Variants in NBEA observed in about 807,000 individuals in gnomAD.
NBEA encodes lysosomal-trafficking regulator 2.
In NBEA, 44 loss-of-function variants were observed where a neutral mutation model predicts 343.4. That is an observed-to-expected ratio of 0.13 (90% CI 0.10 to 0.16). NBEA has a LOEUF of 0.16. Among genes scored for constraint, NBEA ranks in the 10% least tolerant of loss-of-function variants. The pLI is 1.00. For synonymous variants in NBEA, 1,175 were observed against 1,238.7 expected (o/e 0.95, Z 1.08); for missense variants, 2,555 against 3,631.3 (o/e 0.70, Z 7.62).
At position 34,980,189 on chromosome 13, in the gene NBEA, G is replaced by GT. The variant is rs201133595; in HGVS notation, c.294+37083dup. Among the ~76,000 whole-genome samples, 969 of 151,200 alleles carry GT rather than the reference G, an allele frequency of 6.4e-3. 11 individuals are homozygous for GT. The highest frequency in any genetic ancestry group is 0.022 in the African/African-American group (919 of 41,304). On this transcript the variant is annotated intron_variant, in intron 1 of 58. Transcript: ENST00000379939. ...CCTAGGATTGCCTTAGAGTCTAGCT[G>GT]TTTTTTTTGTTGTTGTTGTTATTTA...
At chr13:34,954,178 A>G (rs1430833064) in intron 1 of NBEA, among the ~76,000 whole-genome samples, 2 of 152,142 alleles carry the variant, frequency 1.3e-5, no homozygotes, top group Non-Finnish European at 2.9e-5. Flanking sequence ...GAGGGTGTGC[A>G]TAGGTTATGT....
intron 18 of NBEA, among the ~76,000 whole-genome samples, chr13:35,150,711 A>ATTACTACAACTCTACG (rs2068720803): frequency 6.6e-6 from 1 of 152,136 alleles, no homozygotes; most frequent in African/African-American, 2.4e-5. Context: ...GCATCAGAAT[A>ATTACTACAACTCTACG]AATATTACTA....
intron 38 of NBEA, among the ~76,000 whole-genome samples, chr13:35,385,273 A>G (rs2042191567): frequency 6.6e-6 from 1 of 152,178 alleles, no homozygotes; most frequent in African/African-American, 2.4e-5. Flanking sequence ...TTGTTTTAAA[A>G]TTACAGTTTT....
chr13:35,175,479 A>G (rs1205540718), intron 27 of NBEA, among the ~76,000 whole-genome samples: 1 of 152,210 alleles, frequency 6.6e-6, no homozygotes, highest in Non-Finnish European at 1.5e-5. Flanking sequence ...AGTAATTTGT[A>G]GATATACTAA....
intron 48 of NBEA, among the ~76,000 whole-genome samples, chr13:35,614,804 T>G (rs1022229939): frequency 6.6e-6 from 1 of 152,188 alleles, no homozygotes; most frequent in Non-Finnish European, 1.5e-5. Flanking sequence ...TCCTCTTTCC[T>G]CATTCCAAGA....
At chr13:35,337,738 C>A (rs895613341) in intron 36 of NBEA, among the ~76,000 whole-genome samples, 1 of 152,026 alleles carries the variant, frequency 6.6e-6, no homozygotes, top group Non-Finnish European at 1.5e-5. Context: ...AAACAATTCT[C>A]AGTAAGTTTA....
rs559682181 is a variant in NBEA at position 35,358,659 on chromosome 13, A to G, written c.6179+6336A>G. ...CTTGAACCTGGGAGGCAGAGGTTGC[A>G]GTGAGCCGAGATTGTGCCAGTGCAC... On this transcript the variant is annotated intron_variant, in intron 38 of 58. Transcript: ENST00000379939. 2.0e-5 allele frequency among the ~76,000 whole-genome samples: 3 copies of G among 152,190 alleles called. No individual in the cohort carries two copies. The South Asian group carries it at 6.2e-4, about 32-fold the overall frequency.
chr13:35,167,619 A>C (rs1486282493), intron 24 of NBEA, among the ~76,000 whole-genome samples: 1 of 151,834 alleles, frequency 6.6e-6, no homozygotes, highest in African/African-American at 2.4e-5. Flanking sequence ...CAATAGTTTT[A>C]ACTGTACTCA....
intron 10 of NBEA, among the ~76,000 whole-genome samples, chr13:35,094,235 G>A (rs937115807): frequency 6.6e-6 from 1 of 151,966 alleles, no homozygotes; most frequent in Non-Finnish European, 1.5e-5. Flanking sequence ...GACAGTGGTA[G>A]CAATTCAGTT....
chr13:35,029,742 A>G (rs9543028), intron 1 of NBEA, among the ~76,000 whole-genome samples: 46,481 of 151,486 alleles, frequency 0.31, 8,001 homozygotes, highest in Middle Eastern at 0.52. Context: ...GCTAGTATTT[A>G]TAAACCTCAG....
At chr13:35,574,471 A>G (rs2080629358) in intron 45 of NBEA, among the ~76,000 whole-genome samples, 1 of 152,102 alleles carries the variant, frequency 6.6e-6, no homozygotes, top group Admixed American at 6.5e-5. Context: ...GAGTTCTTTT[A>G]AAATATCCTG....
chr13:35,003,152 A>G (rs1376948898), intron 1 of NBEA, among the ~76,000 whole-genome samples: 1 of 152,184 alleles, frequency 6.6e-6, no homozygotes, highest in Non-Finnish European at 1.5e-5. Context: ...AGTTGGATAT[A>G]TTAATAATCA....
At chr13:35,139,489 A>T (rs1363100237) in intron 17 of NBEA, among the ~76,000 whole-genome samples, 1 of 152,218 alleles carries the variant, frequency 6.6e-6, no homozygotes, top group Admixed American at 6.5e-5. Context: ...TCTGTAAAAA[A>T]AAATAGATTA....
intron 36 of NBEA, among the ~76,000 whole-genome samples, chr13:35,343,126 T>G (rs1467587333): frequency 6.6e-6 from 1 of 152,088 alleles, no homozygotes; most frequent in Admixed American, 6.6e-5. Flanking sequence ...TTAAAAAATA[T>G]TTCAAGGGAA....
chr13:35,124,931 A>C (rs937069077), intron 17 of NBEA, among the ~76,000 whole-genome samples: 9 of 152,100 alleles, frequency 5.9e-5, no homozygotes, highest in Non-Finnish European at 1.0e-4. Flanking sequence ...TCACTTCTTT[A>C]ACTTCAGTTA....
chr13:35,411,346 T>C (rs1052771989), intron 38 of NBEA, among the ~76,000 whole-genome samples: 8 of 152,202 alleles, frequency 5.3e-5, no homozygotes, highest in African/African-American at 1.9e-4. Flanking sequence ...TTGGTTATTA[T>C]GTCCAATTGG....
At chr13:35,609,561 T>A (rs2082414286) in intron 48 of NBEA, among the ~76,000 whole-genome samples, 1 of 152,152 alleles carries the variant, frequency 6.6e-6, no homozygotes. Context: ...TTAACAAAAT[T>A]GTGTTGTGAA....
chr13:35,445,831 T>TATATATATGTATA (rs2046001174), intron 39 of NBEA, among the ~76,000 whole-genome samples: 1 of 141,968 alleles, frequency 7.0e-6, no homozygotes, highest in Non-Finnish European at 1.5e-5. Flanking sequence ...TATATATATA[T>TATATATATGTATA]TATATTTGAA....
intron 1 of NBEA, among the ~76,000 whole-genome samples, chr13:34,958,188 A>G (rs555071806): frequency 6.6e-6 from 1 of 152,260 alleles, no homozygotes; most frequent in South Asian, 2.1e-4. Context: ...TTTAAAAATT[A>G]TATATGTACC....
Sources: allele counts gnomAD v4.1 joint callset (sites outside exome capture counted in the v4.1 genomes callset), GRCh38; gene constraint gnomAD v4.1.1; transcripts MANE v1.5; gene names NCBI Gene and HGNC (gene_info 2026-07-23, HGNC 2026-07-21).